Variants in ZNF385D observed in about 807,000 individuals in gnomAD.
The protein encoded by ZNF385D is zinc finger protein 385D, also known as zinc finger protein 659.
A neutral mutation model predicts 35.8 loss-of-function variants in ZNF385D; 15 were observed. The observed-to-expected ratio is 0.42, with a 90% CI of 0.28 to 0.64. The LOEUF is 0.64. Ranked by LOEUF, ZNF385D falls within the 30% of genes least tolerant of loss-of-function variation. The pLI is 0.23. For synonymous variants in ZNF385D, 212 were observed against 186.8 expected, an observed-to-expected ratio of 1.13 and a Z score of -1.10; for missense variants, 474 against 494.6, an observed-to-expected ratio of 0.96 and a Z score of 0.39.
chr3:22,244,902 G>C (rs1699692217), intron 2 of ZNF385D, among the ~76,000 whole-genome samples: 1 of 142,320 alleles, frequency 7.0e-6, no homozygotes, highest in African/African-American at 2.7e-5. Flanking sequence ...CGTCTCCTCA[G>C]GTCTCAATGC....
At chr3:21,481,529 A>G (rs894633805) in intron 4 of ZNF385D, among the ~76,000 whole-genome samples, 1 of 152,068 alleles carries the variant, frequency 6.6e-6, no homozygotes, top group African/African-American at 2.4e-5. Flanking sequence ...ACCTTCAGAT[A>G]GCTTGTTTTT....
At chr3:22,304,945 G>C (rs1384197119) in intron 2 of ZNF385D, among the ~76,000 whole-genome samples, 1 of 152,002 alleles carries the variant, frequency 6.6e-6, no homozygotes, top group African/African-American at 2.4e-5. Flanking sequence ...AAAGCATTAA[G>C]TGCTTAGTAC....
At chr3:22,282,792 G>A (rs571305815) in intron 2 of ZNF385D, among the ~76,000 whole-genome samples, 1 of 151,780 alleles carries the variant, frequency 6.6e-6, no homozygotes, top group East Asian at 1.9e-4. Context: ...AAAAACACAA[G>A]GTATTCAACA....
chr3:22,314,181 T>C (rs1002772771), intron 2 of ZNF385D, among the ~76,000 whole-genome samples: 4 of 152,152 alleles, frequency 2.6e-5, no homozygotes, highest in African/African-American at 9.7e-5. Flanking sequence ...ATGAGTAAGT[T>C]CTTTGATGGT....
intron 2 of ZNF385D, among the ~76,000 whole-genome samples, chr3:22,214,537 T>G (rs996660203): frequency 6.6e-6 from 1 of 152,060 alleles, no homozygotes; most frequent in African/African-American, 2.4e-5. Flanking sequence ...GAAATACTGC[T>G]AAATTCTTTT....
At chr3:22,337,763 T>C (rs1252602194) in intron 2 of ZNF385D, among the ~76,000 whole-genome samples, 1 of 152,208 alleles carries the variant, frequency 6.6e-6, no homozygotes, top group East Asian at 1.9e-4. Context: ...TATGTTTTCA[T>C]AGAATTTCAA....
chr3:22,134,737 G>C (rs1329197373), intron 3 of ZNF385D, among the ~76,000 whole-genome samples: 1 of 152,074 alleles, frequency 6.6e-6, no homozygotes, highest in Non-Finnish European at 1.5e-5. Context: ...CAAGATTGAG[G>C]GTCCATAGCT....
chr3:21,762,653 C>A (rs7643745), intron 3 of ZNF385D, among the ~76,000 whole-genome samples: 3,226 of 152,228 alleles, frequency 0.021, 107 homozygotes, highest in African/African-American at 0.072. Flanking sequence ...CTGTCCAGAT[C>A]TCTCTAAAAT....
At chr3:22,123,643 T>C (rs899231295) in intron 3 of ZNF385D, among the ~76,000 whole-genome samples, 5 of 152,194 alleles carry the variant, frequency 3.3e-5, no homozygotes, top group African/African-American at 1.2e-4. Context: ...GTGGATTACC[T>C]GAGGTCAGGC....
intron 1 of ZNF385D, among the ~76,000 whole-genome samples, chr3:21,707,172 G>C (rs1404362594): frequency 2.6e-5 from 4 of 152,008 alleles, no homozygotes; most frequent in Admixed American, 2.6e-4. Context: ...TAGTTAAATA[G>C]TTATTATTCT....
chr3:22,017,747 T>C (rs894467007), intron 3 of ZNF385D, among the ~76,000 whole-genome samples: 3 of 151,966 alleles, frequency 2.0e-5, no homozygotes, highest in African/African-American at 7.2e-5. Flanking sequence ...ATTTTCATTT[T>C]TATGGTTTTC....
At chr3:21,698,218 T>C (rs530244948) in intron 1 of ZNF385D, among the ~76,000 whole-genome samples, 13 of 152,234 alleles carry the variant, frequency 8.5e-5, no homozygotes, top group African/African-American at 2.6e-4. Flanking sequence ...CAACAGATTA[T>C]TGAATAAAGA....
chr3:22,330,118 T>A (rs1694868933), intron 2 of ZNF385D, among the ~76,000 whole-genome samples: 1 of 152,212 alleles, frequency 6.6e-6, no homozygotes. Context: ...TCTATTGAGC[T>A]TTTCATTTCG....
At chr3:22,016,131 GTTC>G (rs1372510555) in intron 3 of ZNF385D, among the ~76,000 whole-genome samples, 3 of 152,098 alleles carry the variant, frequency 2.0e-5, no homozygotes, top group Admixed American at 6.6e-5. Context: ...CTATAAAACA[GTTC>G]TTCTAATTTT....
chr3:22,210,511 A>G (rs1408158505), intron 2 of ZNF385D, among the ~76,000 whole-genome samples: 1 of 151,906 alleles, frequency 6.6e-6, no homozygotes, highest in African/African-American at 2.4e-5. Flanking sequence ...ATCTGAAAAT[A>G]CCATGCCAAG....
chr3:22,262,468 G>A (rs1394860581), intron 2 of ZNF385D, among the ~76,000 whole-genome samples: 1 of 151,732 alleles, frequency 6.6e-6, no homozygotes, highest in African/African-American at 2.4e-5. Flanking sequence ...AAAATATTAA[G>A]AATAAAGAGA....
chr3:22,025,517 CAT>C (rs1375757955), intron 3 of ZNF385D, among the ~76,000 whole-genome samples: 1 of 152,144 alleles, frequency 6.6e-6, no homozygotes, highest in African/African-American at 2.4e-5. Flanking sequence ...GTGGAAGAAA[CAT>C]AGAGTTGGAT....
chr3:21,424,074 G>A lies in ZNF385D; in HGVS notation c.853-10C>T. 6.4e-7 allele frequency: 1 copy of A among 1,554,176 alleles called. No individual in the cohort carries two copies. Among genetic ancestry groups the A allele is most frequent in the Non-Finnish European group, 8.6e-7 (1 of 1,158,090 alleles). ...TTCTACTGCTAATGTGCTATTAAAA[G>A]TAATTTAAAATGACAGCTTTAAAAA... is the stretch of plus-strand genomic sequence containing the variant. On this transcript the variant is annotated splice_polypyrimidine_tract_variant and intron_variant, in intron 6 of 7. Transcript: ENST00000281523.
intron 2 of ZNF385D, among the ~76,000 whole-genome samples, chr3:22,286,172 A>G: frequency 6.6e-6 from 1 of 152,222 alleles, no homozygotes; most frequent in South Asian, 2.1e-4. Context: ...CACATATAAA[A>G]TCTGGCAAAT....
Sources: allele counts gnomAD v4.1 joint callset (sites outside exome capture counted in the v4.1 genomes callset), GRCh38; gene constraint gnomAD v4.1.1; transcripts MANE v1.5; gene names NCBI Gene and HGNC (gene_info 2026-07-23, HGNC 2026-07-21).